PATJ: variants seen among roughly 807,000 people sequenced by gnomAD.
PATJ encodes the protein PATJ crumbs cell polarity complex component.
PATJ carries 190 observed loss-of-function variants against 224.9 expected under a neutral mutation model. The observed-to-expected ratio is 0.84, with a 90% CI of 0.75 to 0.95. The LOEUF (loss-of-function observed/expected upper bound fraction) is 0.95, where lower values mean the gene tolerates loss of function less well. Among genes scored for constraint, PATJ ranks in the 40% least tolerant of loss-of-function variants. The pLI is 0.00. For missense variants in PATJ, 2,121 were observed against 2,270.3 expected (o/e 0.93, Z 1.34); for synonymous variants, 769 against 820.3 (o/e 0.94, Z 1.07).
intron 16 of PATJ, among the ~76,000 whole-genome samples, chr1:61,828,200 G>A (rs1242282882): frequency 2.0e-5 from 3 of 149,134 alleles, no homozygotes; most frequent in Non-Finnish European, 4.4e-5. Context: ...CTGAGATCAC[G>A]CCATTGCACT....
intron 8 of PATJ, among the ~76,000 whole-genome samples, chr1:61,788,809 G>A (rs530115154): frequency 6.6e-6 from 1 of 152,118 alleles, no homozygotes; most frequent in Non-Finnish European, 1.5e-5. Context: ...TGAGTAGCTG[G>A]GATTACAGAC....
chr1:61,866,170 A>G (rs1366973067), intron 20 of PATJ, among the ~76,000 whole-genome samples: 1 of 152,198 alleles, frequency 6.6e-6, no homozygotes, highest in Non-Finnish European at 1.5e-5. Flanking sequence ...ATACATATTC[A>G]GTTATATGAA....
chr1:61,798,674 T>C (rs964428086), intron 11 of PATJ, among the ~76,000 whole-genome samples: 55 of 151,974 alleles, frequency 3.6e-4, no homozygotes, highest in Non-Finnish European at 4.3e-4. Context: ...GGAGAATCAC[T>C]TGAGGCCAGG....
At chr1:61,959,206 C>T (rs574132732) in intron 27 of PATJ, among the ~76,000 whole-genome samples, 1 of 151,968 alleles carries the variant, frequency 6.6e-6, no homozygotes, top group South Asian at 2.1e-4. Flanking sequence ...CCAGCTAGAC[C>T]TTTATAGTAT....
chr1:62,085,800 C>G (rs1030284193), intron 33 of PATJ, among the ~76,000 whole-genome samples: 1 of 131,314 alleles, frequency 7.6e-6, no homozygotes, highest in East Asian at 2.1e-4. Flanking sequence ...GCCTGAGCAA[C>G]AGAGCAAGGC....
chr1:62,116,528 A>C lies in PATJ; in HGVS notation c.4656-4A>C, dbSNP rs1664461185. ...AATACTGCACTGCTGTATGGTATTAACAGAAATGGAAGCGGAGTGTTTATT... is the reference window on the plus strand; with the variant it reads ...AATACTGCACTGCTGTATGGTATTACCAGAAATGGAAGCGGAGTGTTTATT... On this transcript the variant is annotated splice_region_variant and splice_polypyrimidine_tract_variant and intron_variant, in intron 35 of 43. Coordinates refer to ENST00000642238, the MANE Select transcript of PATJ (RefSeq NM_001350145.3). 6.2e-7 allele frequency: 1 copy of C among 1,613,756 alleles called. No homozygotes were observed. The highest frequency in any genetic ancestry group is 8.5e-7 in the Non-Finnish European group (1 of 1,179,920).
chr1:61,886,782 T>C (rs1668906419), intron 22 of PATJ, among the ~76,000 whole-genome samples: 1 of 124,694 alleles, frequency 8.0e-6, no homozygotes, highest in Non-Finnish European at 1.8e-5. Flanking sequence ...ATCGTGCCAC[T>C]GCACTCCAGC....
Position 62,148,331 on chromosome 1 carries a change from C to T in PATJ, c.5319C>T (p.Asn1773=). ...NISAIAAQLE[N]MSTGYHLGSP... ...GCGCCATAGCAGCTCAGCTTGAAAA[C>T]ATGTCTACAGGCTACCACCTTGGTT... The change falls in exon 42 of 44, where the codon AAC becomes AAT. Residue 1773 remains asparagine, a synonymous_variant. Coordinates refer to ENST00000642238, the MANE Select transcript of PATJ (RefSeq NM_001350145.3). 6.2e-7 allele frequency: 1 copy of T among 1,613,848 alleles called. No homozygotes were observed. The highest frequency in any genetic ancestry group is 2.2e-5 in the East Asian group (1 of 44,870).
At chr1:62,051,230 A>G (rs1306038279) in intron 31 of PATJ, among the ~76,000 whole-genome samples, 172 bp downstream of exon 31, 2 of 152,224 alleles carry the variant, frequency 1.3e-5, no homozygotes, top group African/African-American at 4.8e-5. Flanking sequence ...GAAGAAGAGC[A>G]TCTTCTCTTA....
At chr1:62,057,512 A>G (rs1654748746) in intron 31 of PATJ, among the ~76,000 whole-genome samples, 1 of 152,192 alleles carries the variant, frequency 6.6e-6, no homozygotes, top group African/African-American at 2.4e-5. Context: ...GCCAGAGCGG[A>G]CGCTGATGCC....
In PATJ at chr1:62,071,359, G is replaced by T. The variant is rs192566767; in HGVS notation, c.4126-8091G>T. Among the ~76,000 whole-genome samples, 190 of 152,070 alleles carry T rather than the reference G, an allele frequency of 1.2e-3. 4 individuals are homozygous for T. The highest frequency in any genetic ancestry group is 0.012 in the Admixed American group (178 of 15,286). On this transcript the variant is annotated intron_variant, in intron 31 of 43. Transcript: ENST00000642238. Reference sequence around the variant, plus strand: ...ATTAATTGCCAGGTGTGTTGCTAAGGGTGCTCATGTATTACTTCATTTAAT... The same window carrying T: ...ATTAATTGCCAGGTGTGTTGCTAAGTGTGCTCATGTATTACTTCATTTAAT...
At chr1:62,059,929 T>C (rs1316256568) in intron 31 of PATJ, among the ~76,000 whole-genome samples, 2 of 152,164 alleles carry the variant, frequency 1.3e-5, no homozygotes, top group Non-Finnish European at 2.9e-5. Flanking sequence ...CATGGGCAGC[T>C]GACTGGGTGG....
chr1:62,013,606 C>A, intron 28 of PATJ: 2 of 674,200 alleles, frequency 3.0e-6, no homozygotes, highest in Non-Finnish European at 3.7e-6. Flanking sequence ...GGTATAAGTG[C>A]AAGAAGAGAA....
At chr1:61,885,806 A>G (rs917746105) in intron 22 of PATJ, among the ~76,000 whole-genome samples, 11 of 151,978 alleles carry the variant, frequency 7.2e-5, no homozygotes, top group African/African-American at 2.7e-4. Flanking sequence ...GACTGGATTA[A>G]GAAAATGTGA....
At chr1:62,138,714 G>A (rs969442578) in intron 41 of PATJ, among the ~76,000 whole-genome samples, 1 of 152,170 alleles carries the variant, frequency 6.6e-6, no homozygotes, top group East Asian at 1.9e-4. Flanking sequence ...GGTCTAGCGG[G>A]ACATGAGAGA....
intron 37 of PATJ, chr1:62,117,565 C>A: frequency 4.4e-6 from 1 of 225,902 alleles, no homozygotes; most frequent in Non-Finnish European, 7.3e-6. Context: ...CAACATTGTT[C>A]TATTCATTCA....
chr1:61,883,525 G>C (rs1430151129), intron 21 of PATJ, among the ~76,000 whole-genome samples: 1 of 152,042 alleles, frequency 6.6e-6, no homozygotes, highest in Non-Finnish European at 1.5e-5. Context: ...TGAGGCAGGT[G>C]GATCACCTGA....
intron 41 of PATJ, among the ~76,000 whole-genome samples, chr1:62,138,685 A>T (rs1380931816): frequency 6.6e-6 from 1 of 152,146 alleles, no homozygotes; most frequent in Non-Finnish European, 1.5e-5. Context: ...GGGGCACCAG[A>T]CACATTTCCA....
At chr1:62,054,231 C>A in intron 31 of PATJ, 4 of 206,164 alleles carry the variant, frequency 1.9e-5, no homozygotes, top group Non-Finnish European at 4.1e-5. Context: ...AGTGTGGTGA[C>A]AAGCACCTGT....
Sources: gnomAD v4.1 joint callset for allele counts (sites outside exome capture counted in the v4.1 genomes callset) on GRCh38, gnomAD v4.1.1 for gene constraint, MANE v1.5 for transcripts, NCBI Gene and HGNC (gene_info 2026-07-23, HGNC 2026-07-21) for gene names.